ULBP1: variants seen among roughly 807,000 people sequenced by gnomAD.
ULBP1 encodes UL16-binding protein 1.
ULBP1 carries 28 observed loss-of-function variants against 25.3 expected under a neutral mutation model. That is an observed-to-expected ratio of 1.10 (90% CI 0.82 to 1.51). The LOEUF is 1.51. ULBP1 is among the 40% of genes most tolerant of loss of function. The pLI, the probability that ULBP1 is intolerant of heterozygous loss-of-function variation, is 0.00. For synonymous variants in ULBP1, 129 were observed against 103.0 expected (o/e 1.25, Z -1.53); for missense variants, 348 against 290.9 (o/e 1.20, Z -1.43).
intron 1 of ULBP1, among the ~76,000 whole-genome samples, chr6:149,964,567 C>T (rs1451572446): frequency 6.6e-6 from 1 of 151,272 alleles, no homozygotes; most frequent in Non-Finnish European, 1.5e-5. Flanking sequence ...AACGCGATCT[C>T]CCCGAACATC....
intron 1 of ULBP1, among the ~76,000 whole-genome samples, chr6:149,966,154 C>T (rs1374074058): frequency 1.3e-5 from 2 of 152,092 alleles, no homozygotes; most frequent in African/African-American, 2.4e-5. Context: ...AGGCTGAAGG[C>T]ACTTTGGTCC....
At chr6:149,964,868 TC>T (rs1030943134) in intron 1 of ULBP1, among the ~76,000 whole-genome samples, 1 of 104,300 alleles carries the variant, frequency 9.6e-6, no homozygotes, top group African/African-American at 3.7e-5. Flanking sequence ...AACATCGCGG[TC>T]CCCCCGAACA....
At position 149,972,479 on chromosome 6, in the gene ULBP1, A is replaced by G. The variant is rs1779335102; in HGVS notation, c.*1133A>G. The G allele has an allele frequency of 6.6e-6, 1 of 152,218 alleles. No homozygotes were observed. The highest frequency in any genetic ancestry group is 2.4e-5 in the African/African-American group (1 of 41,446). 9.4% of individuals were successfully genotyped at this position (152,218 alleles called of 1,614,324 possible). A position where few individuals can be genotyped will look rare whatever the true frequency, so the allele number is the denominator to read the frequency against. ...TTTCATGAAGAAGACACTAAAAACA[A>G]TTGCAACAAAAACAGAAATTGACAA... On this transcript the variant is annotated 3_prime_UTR_variant, in exon 5 of 5. Coordinates refer to ENST00000229708, the MANE Select transcript of ULBP1 (RefSeq NM_025218.4).
At position 149,971,400 on chromosome 6, in the gene ULBP1, C is replaced by G; in HGVS notation, c.*54C>G. 1.0e-6 allele frequency: 1 copy of G among 985,386 alleles called. No individual in the cohort carries two copies. The allele number at this position is 985,386 out of a possible 1,614,324, so 61.0% of individuals were successfully genotyped here. ...AGTGATATCAAGAAGCCTCTGTTAG[C>G]CTGGTCTGGGTCCTGCTCTCCCTTC... On this transcript the variant is annotated 3_prime_UTR_variant, in exon 5 of 5. Coordinates refer to ENST00000229708, the MANE Select transcript of ULBP1 (RefSeq NM_025218.4).
intron 2 of ULBP1, 40 bp downstream of exon 2, chr6:149,968,910 C>G (rs1326021179): frequency 6.3e-7 from 1 of 1,585,310 alleles, no homozygotes; most frequent in Non-Finnish European, 8.6e-7. Flanking sequence ...ACAGTAGTAA[C>G]TTAGAGTCAT....
At position 149,968,548 on chromosome 6, in the gene ULBP1, A is replaced by T. The variant is rs568541665; in HGVS notation, c.86-59A>T. On this transcript the variant is annotated intron_variant, in intron 1 of 4. Transcript: ENST00000229708. The stretch of plus-strand genomic sequence containing the variant: ...ACTTGCAGTCACCATAAGTGGGAGG[A>T]GGGGATACAGGTTCCATTTCCCCCC... 3 of 1,553,882 alleles carry T rather than the reference A, an allele frequency of 1.9e-6. No homozygotes were observed. The African/African-American group carries it at 4.1e-5, about 21-fold the overall frequency.
Position 149,968,648 on chromosome 6 carries a change from T to A in ULBP1, c.127T>A (p.Ser43Thr). 1 of 1,613,816 alleles carries A rather than the reference T, an allele frequency of 6.2e-7. No homozygotes were observed. Among genetic ancestry groups the A allele is most frequent in the Non-Finnish European group, 8.5e-7 (1 of 1,179,754 alleles). The change falls in exon 2 of 5, where the codon TCC (serine) becomes ACC (threonine). Residue 43 changes from serine (S) to threonine (T), a missense_variant. Ser to Thr is a moderately conservative substitution (Grantham distance 58). Coordinates refer to ENST00000229708, the MANE Select transcript of ULBP1 (RefSeq NM_025218.4). ...LCYDFIITPK[S>T]RPEPQWCEVQ... Reference sequence around the variant, plus strand: ...CTATGACTTCATCATCACTCCTAAGTCCAGACCTGAACCACAGTGGTGTGA... The same window carrying A: ...CTATGACTTCATCATCACTCCTAAGACCAGACCTGAACCACAGTGGTGTGA...
In ULBP1 at chr6:149,968,734, C is replaced by T. The variant is rs1779250665; in HGVS notation, c.213C>T (p.Ala71=). The T allele has an allele frequency of 6.2e-7, 1 of 1,614,118 alleles. No individual in the cohort carries two copies. The highest frequency in any genetic ancestry group is 1.3e-5 in the African/African-American group (1 of 74,928). The change falls in exon 2 of 5, where the codon GCC becomes GCT. Residue 71 remains alanine (A), a synonymous_variant. Coordinates refer to ENST00000229708, the MANE Select transcript of ULBP1 (RefSeq NM_025218.4). ...ACTATGACTGTGTTAACCACAAGGC[C>T]AAAGCCTTTGCTTCTCTGGGGAAGA... ...FLHYDCVNHK[A]KAFASLGKKV... is the part of the protein sequence containing the mutation.
Position 149,969,254 on chromosome 6 carries a change from G to A in ULBP1, c.519G>A (p.Glu173=). Residue 173 remains glutamate (E), a synonymous_variant, in exon 3 of 5, where the codon GAG becomes GAA. Coordinates refer to ENST00000229708, the MANE Select transcript of ULBP1 (RefSeq NM_025218.4). ...PGAKKMTEKW[E]KNRDVTMFFQ... ...CCAAGAAGATGACAGAGAAGTGGGA[G>A]AAGAACAGGGATGTGACCATGTTCT... The A allele has an allele frequency of 6.2e-7, 1 of 1,614,232 alleles. No individual in the cohort carries two copies.
chr6:149,967,743 T>G (rs572216150), intron 1 of ULBP1, among the ~76,000 whole-genome samples: 1 of 152,216 alleles, frequency 6.6e-6, no homozygotes, highest in Admixed American at 6.5e-5. Flanking sequence ...GGCCTCCGCT[T>G]GAGATCTCTT....
chr6:149,967,656 G>T (rs1409362361), intron 1 of ULBP1, among the ~76,000 whole-genome samples: 1 of 152,126 alleles, frequency 6.6e-6, no homozygotes, highest in East Asian at 1.9e-4. Context: ...ACATTTTTAA[G>T]GCTGAGGTCC....
intron 1 of ULBP1, among the ~76,000 whole-genome samples, chr6:149,964,988 C>CA (rs1294478026): frequency 6.7e-6 from 1 of 148,220 alleles, no homozygotes; most frequent in Non-Finnish European, 1.5e-5. Flanking sequence ...TGAAGGCACT[C>CA]AGTTCCCCTC....
In ULBP1 at chr6:149,968,544, G is replaced by C. The variant is rs1207666518; in HGVS notation, c.86-63G>C. On this transcript the variant is annotated intron_variant, in intron 1 of 4. Transcript: ENST00000229708. ...CTTCACTTGCAGTCACCATAAGTGG[G>C]AGGAGGGGATACAGGTTCCATTTCC... is the stretch of plus-strand genomic sequence containing the variant. 9.0e-6 allele frequency: 14 copies of C among 1,551,450 alleles called. No homozygotes were observed. The East Asian group carries it at 3.2e-4, about 35-fold the overall frequency.
intron 1 of ULBP1, among the ~76,000 whole-genome samples, chr6:149,967,543 G>A (rs909559579): frequency 4.6e-5 from 7 of 152,112 alleles, no homozygotes; most frequent in African/African-American, 7.2e-5. Context: ...CCATCCTTGC[G>A]TTTTGTCTTT....
intron 1 of ULBP1, among the ~76,000 whole-genome samples, chr6:149,966,665 C>A (rs1217266344): frequency 2.0e-5 from 3 of 152,034 alleles, no homozygotes; most frequent in Non-Finnish European, 4.4e-5. Context: ...CACTGTGGGG[C>A]CTATATTCCT....
rs1374707237 is a variant in ULBP1, at chr6:149,964,023, T to A, written c.-27T>A. On this transcript the variant is annotated 5_prime_UTR_variant, in exon 1 of 5. Coordinates refer to ENST00000229708, the MANE Select transcript of ULBP1 (RefSeq NM_025218.4). ...AGCCTCGAAGGGAACCATCAGCGCC[T>A]CCTGTCCACGGAGCTCCAGGTCTAC... is the stretch of plus-strand genomic sequence containing the variant. 6.2e-7 allele frequency: 1 copy of A among 1,612,892 alleles called. No individual in the cohort carries two copies. Among genetic ancestry groups the A allele is most frequent in the Middle Eastern group, 1.7e-4 (1 of 6,060 alleles).
chr6:149,964,516 C>T (rs1170405427), intron 1 of ULBP1, among the ~76,000 whole-genome samples: 2 of 149,718 alleles, frequency 1.3e-5, no homozygotes, highest in African/African-American at 4.9e-5. Flanking sequence ...GTGGTCTCCC[C>T]GAACATCGCG....
intron 3 of ULBP1, among the ~76,000 whole-genome samples, 165 bp from the exon 4 acceptor site, chr6:149,969,851 C>T (rs1484029899): frequency 3.9e-5 from 6 of 152,202 alleles, no homozygotes; most frequent in Non-Finnish European, 7.3e-5. Flanking sequence ...GCAGGGGACA[C>T]CCCCTCTCCC....
At position 149,968,822 on chromosome 6, in the gene ULBP1, C is replaced by A. The variant is rs6903584; in HGVS notation, c.301C>A (p.Leu101Ile). Reference sequence around the variant, plus strand: ...AACACTAAGAGACGTGGTGGATTTCCTTAAAGGGCAACTGCTTGACATTCA... The same window carrying A: ...AACACTAAGAGACGTGGTGGATTTCATTAAAGGGCAACTGCTTGACATTCA... Reference protein sequence around the residue: ...TETLRDVVDFLKGQLLDIQVE... With the variant: ...TETLRDVVDFIKGQLLDIQVE... The change falls in exon 2 of 5, where the codon CTT (leucine) becomes ATT (isoleucine). Residue 101 changes from leucine to isoleucine, a missense_variant. By Grantham distance (5) the Leu-to-Ile change is conservative (BLOSUM62 2). Transcript: ENST00000229708. 6.6e-4 allele frequency: 1,072 copies of A among 1,614,236 alleles called. 6 individuals are homozygous for A. In the African/African-American group the frequency reaches 0.011, roughly 17 times the overall value.
Sources: allele counts gnomAD v4.1 joint callset (sites outside exome capture counted in the v4.1 genomes callset), GRCh38; gene constraint gnomAD v4.1.1; transcripts MANE v1.5; gene names NCBI Gene and HGNC (gene_info 2026-07-23, HGNC 2026-07-21).